ABI3BP: variants seen among roughly 807,000 people sequenced by gnomAD.
ABI3BP encodes the protein ABI family member 3 binding protein, also known as target of Nesh-SH3.
In ABI3BP, 216 loss-of-function variants were observed where a neutral mutation model predicts 268.6. The ratio of observed to expected loss-of-function variants is 0.80; its 90% confidence interval spans 0.72 to 0.90. The LOEUF is 0.90. Among genes scored for constraint, ABI3BP ranks in the 40% least tolerant of loss-of-function variants. The pLI is 0.00. For missense variants in ABI3BP, 2,090 were observed against 2,182.4 expected, an observed-to-expected ratio of 0.96 and a Z score of 0.84; for synonymous variants, 730 against 730.0, an observed-to-expected ratio of 1.00 and a Z score of 0.00.
At chr3:100,758,325 G>A (rs528339583) in intron 63 of ABI3BP, among the ~76,000 whole-genome samples, 64 of 152,260 alleles carry the variant, frequency 4.2e-4, no homozygotes, top group Non-Finnish European at 7.9e-4. Flanking sequence ...ATAACTTCAC[G>A]GGGGCTATAA....
chr3:100,846,346 T>A (rs1314665393), intron 20 of ABI3BP, 26 bp downstream of exon 20: 2 of 1,490,960 alleles, frequency 1.3e-6, no homozygotes, highest in East Asian at 2.3e-5. Flanking sequence ...ACTTTTGGAA[T>A]ATTCAAAAAA....
At chr3:100,947,975 T>A (rs1427036130) in intron 1 of ABI3BP, among the ~76,000 whole-genome samples, 1 of 151,996 alleles carries the variant, frequency 6.6e-6, no homozygotes, top group Non-Finnish European at 1.5e-5. Context: ...CGTTTAAGTG[T>A]GCATATTGGG....
chr3:100,776,478 C>G (rs1235477797), intron 59 of ABI3BP, among the ~76,000 whole-genome samples: 2 of 152,146 alleles, frequency 1.3e-5, no homozygotes, highest in Admixed American at 6.5e-5. Flanking sequence ...GACTCAGAAG[C>G]CTGGGTGGAT....
At chr3:100,950,451 G>C (rs765114062) in intron 1 of ABI3BP, among the ~76,000 whole-genome samples, 1 of 152,026 alleles carries the variant, frequency 6.6e-6, no homozygotes, top group Non-Finnish European at 1.5e-5. Context: ...TAATTCAGAG[G>C]AGCACTGACT....
intron 1 of ABI3BP, among the ~76,000 whole-genome samples, chr3:100,978,831 G>C (rs1266209009): frequency 6.6e-6 from 1 of 152,166 alleles, no homozygotes; most frequent in Non-Finnish European, 1.5e-5. Context: ...TCAATGCATG[G>C]TTAATCTCAT....
At chr3:100,795,201 T>G (rs936122498) in intron 53 of ABI3BP, among the ~76,000 whole-genome samples, 198 bp from the exon 54 acceptor site, 4 of 152,058 alleles carry the variant, frequency 2.6e-5, no homozygotes, top group Non-Finnish European at 5.9e-5. Flanking sequence ...GGACACATAC[T>G]ACATGACATT....
At chr3:100,767,833 T>C (rs1464003352) in intron 62 of ABI3BP, among the ~76,000 whole-genome samples, 1 of 152,112 alleles carries the variant, frequency 6.6e-6, no homozygotes, top group Non-Finnish European at 1.5e-5. Context: ...TTATCATCCT[T>C]GAGTTGTGGT....
chr3:100,833,023 G>T, intron 30 of ABI3BP, 102 bp downstream of exon 30: 2 of 997,140 alleles, frequency 2.0e-6, no homozygotes, highest in South Asian at 1.7e-5. Flanking sequence ...ATACTGTAAT[G>T]AGATGACAAC....
At chr3:100,756,846 A>G (rs1359883400) in intron 63 of ABI3BP, among the ~76,000 whole-genome samples, 1 of 151,098 alleles carries the variant, frequency 6.6e-6, no homozygotes, top group Non-Finnish European at 1.5e-5. Context: ...TTTGCACTAA[A>G]TTTAATTAAC....
intron 61 of ABI3BP, among the ~76,000 whole-genome samples, chr3:100,773,919 G>A (rs1239902926): frequency 1.3e-5 from 2 of 152,148 alleles, no homozygotes; most frequent in Non-Finnish European, 2.9e-5. Flanking sequence ...CTGTTGCCAC[G>A]TAGGCACTGG....
chr3:100,817,402 GA>G, intron 42 of ABI3BP, 33 bp downstream of exon 42: 6 of 1,430,502 alleles, frequency 4.2e-6, no homozygotes, highest in South Asian at 1.3e-5. Context: ...AAATAAGGAG[GA>G]AAAAGTTATT....
chr3:100,848,471 TC>T (rs1480958624), intron 18 of ABI3BP, among the ~76,000 whole-genome samples: 7 of 88,312 alleles, frequency 7.9e-5, no homozygotes, highest in Non-Finnish European at 1.5e-4. Flanking sequence ...ATAAAACATA[TC>T]CTTTTTTTTT....
At chr3:100,916,883 C>T (rs1449200674) in intron 2 of ABI3BP, among the ~76,000 whole-genome samples, 1 of 152,174 alleles carries the variant, frequency 6.6e-6, no homozygotes, top group East Asian at 1.9e-4. Context: ...GAATTCTAGG[C>T]TTTCTCCTGT....
Position 100,824,958 on chromosome 3 carries a change from C to A in ABI3BP, c.2663-17G>T, listed in dbSNP as rs2098341603. 3.3e-6 allele frequency: 5 copies of A among 1,531,556 alleles called. No homozygotes were observed. The highest frequency in any genetic ancestry group is 2.0e-5 in the Admixed American group (1 of 50,956). 94.9% of individuals were successfully genotyped at this position (1,531,556 alleles called of 1,614,324 possible). A position where few individuals can be genotyped will look rare whatever the true frequency, so the allele number is the denominator to read the frequency against. ...TTTTGGTAGCTGAAGGAAGAAAAAGCCTTGTGTTACTCTAGGTCTTATGAT... is the reference window on the plus strand; with the variant it reads ...TTTTGGTAGCTGAAGGAAGAAAAAGACTTGTGTTACTCTAGGTCTTATGAT... On this transcript the variant is annotated splice_polypyrimidine_tract_variant and intron_variant, in intron 35 of 67. Coordinates refer to ENST00000471714, the MANE Select transcript of ABI3BP (RefSeq NM_001375547.2).
intron 4 of ABI3BP, among the ~76,000 whole-genome samples, chr3:100,889,682 C>T (rs1327801022): frequency 2.6e-5 from 4 of 152,144 alleles, no homozygotes; most frequent in African/African-American, 9.7e-5. Flanking sequence ...AAGAGCATCT[C>T]ATATCCTAAT....
intron 14 of ABI3BP, among the ~76,000 whole-genome samples, chr3:100,861,426 A>T (rs1003551888): frequency 6.6e-6 from 1 of 152,206 alleles, no homozygotes; most frequent in Non-Finnish European, 1.5e-5. Flanking sequence ...CAACTTCATT[A>T]TACACTATAT....
Position 100,829,794 on chromosome 3 carries a change from C to G in ABI3BP, c.2459-130G>C. ...GGGTTTGAAATATTTGCCCCTATTT[C>G]AATACAGTGTCTCTTTTTATCATGT... On this transcript the variant is annotated intron_variant, in intron 32 of 67. Coordinates refer to ENST00000471714, the MANE Select transcript of ABI3BP (RefSeq NM_001375547.2). The G allele has an allele frequency of 4.6e-6, 3 of 646,870 alleles. No individual in the cohort carries two copies. The South Asian group carries it at 6.3e-5, about 14-fold the overall frequency. 40.1% of individuals were successfully genotyped at this position (646,870 alleles called of 1,614,324 possible).
At chr3:100,843,410 G>A (rs199780050) in intron 20 of ABI3BP, among the ~76,000 whole-genome samples, 2,333 of 150,902 alleles carry the variant, frequency 0.015, 98 homozygotes, top group East Asian at 0.15. Flanking sequence ...GAGTGTGTGT[G>A]TGTGTGTGTG....
chr3:100,875,481 TCGG>T (rs1561142211), intron 8 of ABI3BP, 24 bp downstream of exon 8: 24 of 1,497,504 alleles, frequency 1.6e-5, no homozygotes, highest in Admixed American at 5.7e-5. Context: ...TTGCTTAATC[TCGG>T]CATAGATTTC....
Sources: gnomAD v4.1 joint callset for allele counts (sites outside exome capture counted in the v4.1 genomes callset) on GRCh38, gnomAD v4.1.1 for gene constraint, MANE v1.5 for transcripts, NCBI Gene and HGNC (gene_info 2026-07-23, HGNC 2026-07-21) for gene names.